FAF1: variants seen among roughly 807,000 people sequenced by gnomAD.
The protein encoded by FAF1 is FAS-associated factor 1.
Under a neutral mutation model 92.5 loss-of-function variants are expected in FAF1, and 25 were observed. The ratio of observed to expected loss-of-function variants is 0.27; its 90% CI spans 0.20 to 0.38. The LOEUF is 0.38. FAF1 is among the 10% of genes least tolerant of loss of function. The pLI is 1.00. For missense variants in FAF1, 636 were observed against 793.3 expected (o/e 0.80, Z 2.38); for synonymous variants, 234 against 273.2 (o/e 0.86, Z 1.42).
At chr1:50,536,287 TC>T (rs1162502441) in intron 14 of FAF1, among the ~76,000 whole-genome samples, 1 of 152,146 alleles carries the variant, frequency 6.6e-6, no homozygotes, top group Non-Finnish European at 1.5e-5. Flanking sequence ...CACATTTAAG[TC>T]ATTGTTATTT....
intron 1 of FAF1, among the ~76,000 whole-genome samples, chr1:50,878,376 C>T (rs1161848553): frequency 1.3e-5 from 2 of 152,154 alleles, no homozygotes; most frequent in Non-Finnish European, 2.9e-5. Flanking sequence ...GCCAAAGAAA[C>T]CAGTAAGAGG....
At chr1:50,452,354 T>C (rs1646304114) in intron 18 of FAF1, among the ~76,000 whole-genome samples, 1 of 152,182 alleles carries the variant, frequency 6.6e-6, no homozygotes, top group Non-Finnish European at 1.5e-5. Flanking sequence ...CCCAGCAGTG[T>C]GCCCAGCTTA....
At position 50,440,800 on chromosome 1, in the gene FAF1, C is replaced by T. The variant is rs952177841; in HGVS notation, c.*640G>A. ...TATGCTGCAATGGAACAGCAAATAC[C>T]TCCTAGGTAGAACCTGGAGACCCAA... On this transcript the variant is annotated 3_prime_UTR_variant, in exon 19 of 19. Coordinates refer to ENST00000396153, the MANE Select transcript of FAF1 (RefSeq NM_007051.3). 3 of 152,238 alleles carry T rather than the reference C, an allele frequency of 2.0e-5. No homozygotes were observed. The highest frequency in any genetic ancestry group is 7.2e-5 in the African/African-American group (3 of 41,456). 9.4% of individuals were successfully genotyped at this position (152,238 alleles called of 1,614,324 possible). A position where few individuals can be genotyped will look rare whatever the true frequency, so the allele number is the denominator to read the frequency against.
In FAF1 at chr1:50,567,239, G is replaced by A. The variant is rs1250300723; in HGVS notation, c.1114-8C>T. ...GATAGCAAGAAGCTTTCTCTGAAAA[G>A]AGGAGAAAAATCTGATCAATTAAAA... On this transcript the variant is annotated splice_polypyrimidine_tract_variant and splice_region_variant and intron_variant, in intron 12 of 18. Transcript: ENST00000396153. 1 of 1,583,502 alleles carries A rather than the reference G, an allele frequency of 6.3e-7. No individual in the cohort carries two copies. Among genetic ancestry groups the A allele is most frequent in the Non-Finnish European group, 8.6e-7 (1 of 1,165,430 alleles).
chr1:50,944,854 G>A (rs904073424), intron 1 of FAF1, among the ~76,000 whole-genome samples: 3 of 152,172 alleles, frequency 2.0e-5, no homozygotes, highest in East Asian at 1.9e-4. Flanking sequence ...ATTGGTCAGG[G>A]TGGAATCCTG....
At chr1:50,586,596 A>T (rs1402893726) in intron 9 of FAF1, among the ~76,000 whole-genome samples, 2 of 152,182 alleles carry the variant, frequency 1.3e-5, no homozygotes, top group Non-Finnish European at 2.9e-5. Flanking sequence ...CCTTCCCTGA[A>T]GCATTTACCT....
intron 12 of FAF1, among the ~76,000 whole-genome samples, chr1:50,575,443 A>G (rs1482852156): frequency 6.6e-6 from 1 of 152,200 alleles, no homozygotes; most frequent in African/African-American, 2.4e-5. Context: ...ACTGATATAC[A>G]TGTTTATAGA....
intron 1 of FAF1, among the ~76,000 whole-genome samples, chr1:50,885,506 T>C (rs771511662): frequency 3.9e-5 from 6 of 152,306 alleles, no homozygotes; most frequent in Middle Eastern, 3.4e-3. Context: ...TAGTTATGCA[T>C]GCTCTTTTTT....
At chr1:50,958,331 A>C (rs1020793236) in intron 1 of FAF1, among the ~76,000 whole-genome samples, 2 of 152,190 alleles carry the variant, frequency 1.3e-5, no homozygotes, top group Non-Finnish European at 2.9e-5. Context: ...ATCAGATTTC[A>C]CTGGGTAACC....
chr1:50,437,489 A>T lies in FAF1; in HGVS notation c.*3951T>A, dbSNP rs937774656. ...AGCCTTGAACTCCTGGGCTCAAGTG[A>T]TCACTTTGCCTCAGCCTCAACAGTA... On this transcript the variant is annotated 3_prime_UTR_variant, in exon 19 of 19. Coordinates refer to ENST00000396153, the MANE Select transcript of FAF1 (RefSeq NM_007051.3). The T allele has an allele frequency of 6.6e-6, 1 of 151,798 alleles. No homozygotes were observed. Among genetic ancestry groups the T allele is most frequent in the Non-Finnish European group, 1.5e-5 (1 of 68,018 alleles). 9.4% of individuals were successfully genotyped at this position (151,798 alleles called of 1,614,324 possible). A position where few individuals can be genotyped will look rare whatever the true frequency, so the allele number is the denominator to read the frequency against.
chr1:50,606,955 TGAGA>T (rs1652458310), intron 8 of FAF1: 1 of 151,860 alleles, frequency 6.6e-6, no homozygotes, highest in Admixed American at 6.6e-5. Context: ...AAACCAAAAT[TGAGA>T]GAAAGAACAA....
chr1:50,491,717 C>A lies in FAF1; in HGVS notation c.1575+4G>T. 6.2e-7 allele frequency: 1 copy of A among 1,602,564 alleles called. No homozygotes were observed. On this transcript the variant is annotated splice_donor_region_variant and intron_variant, in intron 16 of 18. Coordinates refer to ENST00000396153, the MANE Select transcript of FAF1 (RefSeq NM_007051.3). The stretch of plus-strand genomic sequence containing the variant: ...TTATCCCAGAAGTACTTGACCAAGC[C>A]TACCTTTGCTCTGTCAGCCTCAAGT...
intron 8 of FAF1, among the ~76,000 whole-genome samples, chr1:50,627,249 T>C (rs889636253): frequency 6.6e-6 from 1 of 152,072 alleles, no homozygotes; most frequent in Non-Finnish European, 1.5e-5. Flanking sequence ...CATGAGTACA[T>C]GGAACTGAGT....
In FAF1 at chr1:50,734,027, C is replaced by T. The variant is rs1404444759; in HGVS notation, c.551+4836G>A. Among the ~76,000 whole-genome samples, 9 of 152,220 alleles carry T rather than the reference C, an allele frequency of 5.9e-5. No individual in the cohort carries two copies. The East Asian group carries it at 1.7e-3, about 29-fold the overall frequency. ...GGCCAGCCTGGTCTCAAACTCTTGA[C>T]CTCAAGCAATCCACTCACCTCGGCC... On this transcript the variant is annotated intron_variant, in intron 6 of 18. Coordinates refer to ENST00000396153, the MANE Select transcript of FAF1 (RefSeq NM_007051.3).
chr1:50,722,769 G>A (rs1658468477), intron 6 of FAF1, among the ~76,000 whole-genome samples: 1 of 151,966 alleles, frequency 6.6e-6, no homozygotes, highest in Non-Finnish European at 1.5e-5. Flanking sequence ...GCTCATATAT[G>A]CTATCTTATT....
intron 12 of FAF1, among the ~76,000 whole-genome samples, chr1:50,582,150 A>G (rs1651019402): frequency 6.6e-6 from 1 of 152,196 alleles, no homozygotes; most frequent in African/African-American, 2.4e-5. Context: ...TAAAGAACAA[A>G]TCTATCAAGA....
intron 18 of FAF1, among the ~76,000 whole-genome samples, chr1:50,463,835 A>G (rs528876646): frequency 1.3e-5 from 2 of 152,324 alleles, no homozygotes; most frequent in Non-Finnish European, 1.5e-5. Flanking sequence ...CTCAGGCCCA[A>G]CTGTTCTTAA....
In FAF1 at chr1:50,505,528, T is replaced by C. The variant is rs200445983; in HGVS notation, c.1495-13727A>G. Among the ~76,000 whole-genome samples, 8 of 152,318 alleles carry C rather than the reference T, an allele frequency of 5.3e-5. No homozygotes were observed. In the East Asian group the frequency reaches 1.5e-3, roughly 29 times the overall value. On this transcript the variant is annotated intron_variant, in intron 15 of 18. Coordinates refer to ENST00000396153, the MANE Select transcript of FAF1 (RefSeq NM_007051.3). Reference sequence around the variant, plus strand: ...TACTTCTCTGGTCAGGATTCCTTCCTGAAAGGAGACAGATAAGACAATAGA... The same window carrying C: ...TACTTCTCTGGTCAGGATTCCTTCCCGAAAGGAGACAGATAAGACAATAGA...
intron 1 of FAF1, among the ~76,000 whole-genome samples, chr1:50,880,217 A>G (rs1570092762): frequency 1.3e-5 from 2 of 152,150 alleles, no homozygotes; most frequent in Admixed American, 6.5e-5. Context: ...CAATAAACAG[A>G]CCAGCCAAGG....
Sources: gnomAD v4.1 joint callset for allele counts (sites outside exome capture counted in the v4.1 genomes callset) on GRCh38, gnomAD v4.1.1 for gene constraint, MANE v1.5 for transcripts, NCBI Gene and HGNC (gene_info 2026-07-23, HGNC 2026-07-21) for gene names.